The following OR2L13 variants were observed in gnomAD, a reference collection of about 807,000 sequenced individuals.
The protein encoded by OR2L13 is olfactory receptor family 2 subfamily L member 13.
Under a neutral mutation model 15.3 loss-of-function variants are expected in OR2L13, and 14 were observed. The observed-to-expected ratio is 0.91, with a 90% CI of 0.60 to 1.43. OR2L13 has a LOEUF of 1.43. Among genes scored for constraint, OR2L13 ranks in the 40% most tolerant of loss-of-function variants. The pLI is 0.00. For missense variants in OR2L13, 367 were observed against 387.9 expected (o/e 0.95, Z 0.45); for synonymous variants, 152 against 142.9 (o/e 1.06, Z -0.45).
the OR2L13 span, among the ~76,000 whole-genome samples, chr1:248,051,710 C>T: frequency 2.1e-3 from 323 of 152,128 alleles, no homozygotes; most frequent in Non-Finnish European, 2.3e-3. Context: ...TAACAAACCA[C>T]GATTGTACTC....
At chr1:247,985,421 C>T in the OR2L13 span, among the ~76,000 whole-genome samples, 1 of 152,156 alleles carries the variant, frequency 6.6e-6, no homozygotes, top group East Asian at 1.9e-4. Context: ...TCATCCATGT[C>T]CCTACAAAGG....
the OR2L13 span, among the ~76,000 whole-genome samples, chr1:248,056,231 TTA>T: frequency 6.6e-6 from 1 of 152,176 alleles, no homozygotes; most frequent in East Asian, 1.9e-4. Context: ...TGCAGGTTAG[TTA>T]CATATGTATA....
chr1:248,028,140 CAAAAAAAAAAAAAAAA>C, the OR2L13 span, among the ~76,000 whole-genome samples: 26 of 37,782 alleles, frequency 6.9e-4, no homozygotes, highest in Non-Finnish European at 1.0e-3. Flanking sequence ...GATTCCGTCT[CAAAAAAAAAAAAAAAA>C]AAAAAAAAAA....
the OR2L13 span, among the ~76,000 whole-genome samples, chr1:248,072,794 C>A: frequency 6.6e-6 from 1 of 151,858 alleles, no homozygotes; most frequent in Non-Finnish European, 1.5e-5. Flanking sequence ...AAAAAAACAA[C>A]CCCATCAAAA....
chr1:247,960,922 G>A, the OR2L13 span, among the ~76,000 whole-genome samples: 6 of 152,030 alleles, frequency 3.9e-5, no homozygotes, highest in African/African-American at 7.3e-5. Flanking sequence ...TTTGGCTCAC[G>A]CTCAGTGTGC....
chr1:247,975,659 A>G, the OR2L13 span: 1 of 1,109,552 alleles, frequency 9.0e-7, no homozygotes, highest in African/African-American at 1.6e-5. Flanking sequence ...GTGAAGATGA[A>G]GACAAACTTT....
the OR2L13 span, among the ~76,000 whole-genome samples, chr1:248,035,295 A>C: frequency 6.6e-6 from 1 of 152,074 alleles, no homozygotes; most frequent in Admixed American, 6.6e-5. Flanking sequence ...CTAAAAATAC[A>C]AAAATTTAGC....
the OR2L13 span, chr1:248,061,374 A>G: frequency 3.1e-6 from 5 of 1,614,092 alleles, no homozygotes; most frequent in East Asian, 8.9e-5. Flanking sequence ...AATCTGCAGA[A>G]GGGAGGAAGA....
the OR2L13 span, chr1:248,061,334 G>T: frequency 1.4e-5 from 22 of 1,613,698 alleles, no homozygotes; most frequent in Non-Finnish European, 3.4e-6. Flanking sequence ...TGTTCCTATG[G>T]CCGGGTTCTC....
At chr1:247,953,105 T>G in the OR2L13 span, among the ~76,000 whole-genome samples, 1 of 152,182 alleles carries the variant, frequency 6.6e-6, no homozygotes, top group Non-Finnish European at 1.5e-5. Flanking sequence ...AGAAGTCAAA[T>G]TATTCAAATC....
the OR2L13 span, among the ~76,000 whole-genome samples, chr1:248,005,763 C>G: frequency 0.083 from 12,641 of 152,162 alleles, 660 homozygotes; most frequent in East Asian, 0.16. Context: ...CTACAGTTAA[C>G]AGTAAAGTAT....
chr1:248,016,878 C>T, the OR2L13 span, among the ~76,000 whole-genome samples: 6 of 151,846 alleles, frequency 4.0e-5, no homozygotes. Context: ...TCAATTTTGT[C>T]ATCTATAAAA....
At chr1:248,038,318 C>G in the OR2L13 span, 1 of 1,613,342 alleles carries the variant, frequency 6.2e-7, no homozygotes, top group Non-Finnish European at 8.5e-7. Flanking sequence ...TGGGGCTGTT[C>G]CCACAATCAA....
chr1:247,941,833 C>A, the OR2L13 span, among the ~76,000 whole-genome samples: 2 of 152,138 alleles, frequency 1.3e-5, no homozygotes, highest in African/African-American at 4.8e-5. Flanking sequence ...GTCTCTTATT[C>A]TCTTCGGCAT....
chr1:248,099,380 A>C (rs770859668), exon 3 of OR2L13: 7 of 1,599,414 alleles, frequency 4.4e-6, no homozygotes. Flanking sequence ...GTTTTCATGG[A>C]GAAATGGAAT....
the OR2L13 span, among the ~76,000 whole-genome samples, chr1:248,035,858 G>T: frequency 6.6e-6 from 1 of 151,966 alleles, no homozygotes; most frequent in African/African-American, 2.4e-5. Flanking sequence ...GCAGTAAGGG[G>T]TTGACAGCAT....
chr1:248,022,534 A>C, the OR2L13 span: 1 of 1,614,176 alleles, frequency 6.2e-7, no homozygotes, highest in Non-Finnish European at 8.5e-7. Flanking sequence ...GTCTATGAGT[A>C]CACAGTGTTT....
the OR2L13 span, among the ~76,000 whole-genome samples, chr1:248,017,422 C>T: frequency 6.6e-6 from 1 of 152,148 alleles, no homozygotes; most frequent in East Asian, 1.9e-4. Context: ...CAAAGAGATG[C>T]TACACTGGTG....
At chr1:247,973,473 A>G in the OR2L13 span, among the ~76,000 whole-genome samples, 2 of 152,006 alleles carry the variant, frequency 1.3e-5, no homozygotes, top group African/African-American at 2.4e-5. Flanking sequence ...TAGCATTCTT[A>G]TACATCAATA....
Sources: gnomAD v4.1 joint callset for allele counts (sites outside exome capture counted in the v4.1 genomes callset) on GRCh38, gnomAD v4.1.1 for gene constraint, MANE v1.5 for transcripts, NCBI Gene and HGNC (gene_info 2026-07-23, HGNC 2026-07-21) for gene names.